Variants in PDE9A observed in about 807,000 individuals in gnomAD.
The protein encoded by PDE9A is high affinity cGMP-specific 3',5'-cyclic phosphodiesterase 9A.
A neutral mutation model predicts 87.4 loss-of-function variants in PDE9A; 60 were observed. The ratio of observed to expected loss-of-function variants is 0.69; its 90% CI spans 0.56 to 0.85. PDE9A has a LOEUF of 0.85. Ranked by LOEUF, PDE9A falls within the 40% of genes least tolerant of loss-of-function variation. The pLI, the probability that PDE9A is intolerant of heterozygous loss-of-function variation, is 0.00. For missense variants in PDE9A, 665 were observed against 779.0 expected, an observed-to-expected ratio of 0.85 and a Z score of 1.74; for synonymous variants, 272 against 279.4, an observed-to-expected ratio of 0.97 and a Z score of 0.27.
intron 4 of PDE9A, chr21:42,700,621 T>C (rs189356177): frequency 6.6e-6 from 1 of 152,296 alleles, no homozygotes; most frequent in East Asian, 1.9e-4. Flanking sequence ...CTGCTCTTCT[T>C]TGAAAGCAAG....
chr21:42,743,131 G>A (rs1393330689), intron 7 of PDE9A, among the ~76,000 whole-genome samples: 3 of 152,196 alleles, frequency 2.0e-5, no homozygotes, highest in South Asian at 2.1e-4. Context: ...GATGGAGCCC[G>A]CTAAGTTAGA....
At chr21:42,764,523 C>T (rs146923131) in intron 14 of PDE9A, among the ~76,000 whole-genome samples, 71 of 152,296 alleles carry the variant, frequency 4.7e-4, no homozygotes, top group East Asian at 2.1e-3. Context: ...GTGTAGGCCT[C>T]GTCCCACTGA....
At chr21:42,754,182 G>GA in intron 10 of PDE9A, 118 bp downstream of exon 10, 1 of 530,828 alleles carries the variant, frequency 1.9e-6, no homozygotes. Flanking sequence ...TCTTTTTAAA[G>GA]ACTGAAAAAA....
chr21:42,661,679 A>G (rs1601873658), intron 1 of PDE9A, among the ~76,000 whole-genome samples: 2 of 152,090 alleles, frequency 1.3e-5, no homozygotes, highest in South Asian at 2.1e-4. Flanking sequence ...AGCCTCAGTC[A>G]TTTTCATTCT....
chr21:42,685,213 C>G (rs8131508), intron 1 of PDE9A, among the ~76,000 whole-genome samples: 7,231 of 152,308 alleles, frequency 0.047, 523 homozygotes, highest in African/African-American at 0.16. Flanking sequence ...CGAAATACCC[C>G]CTCCCTGAGA....
At position 42,774,119 on chromosome 21, in the gene PDE9A, A is replaced by G. The variant is rs887564375; in HGVS notation, c.1769-1161A>G. Among the ~76,000 whole-genome samples, 5 of 152,148 alleles carry G rather than the reference A, an allele frequency of 3.3e-5. No individual in the cohort carries two copies. In the South Asian group the frequency reaches 8.3e-4, roughly 25 times the overall value. Reference sequence around the variant, plus strand: ...AAATAAGTAAATAATAAATAAGGTCAGACTCCATCTCAAAAAAATATAAAT... The same window carrying G: ...AAATAAGTAAATAATAAATAAGGTCGGACTCCATCTCAAAAAAATATAAAT... On this transcript the variant is annotated intron_variant, in intron 19 of 19. Transcript: ENST00000291539.
chr21:42,732,571 C>T lies in PDE9A; in HGVS notation c.497+447C>T, dbSNP rs8133881. ...CTGACTTCTCTGTGGCGTCTTACTG[C>T]CCAGGTTAATTAAAATAGTGAAAAG... On this transcript the variant is annotated intron_variant, in intron 6 of 19. Transcript: ENST00000291539. 2.1e-3 allele frequency among the ~76,000 whole-genome samples: 316 copies of T among 152,306 alleles called. 3 individuals are homozygous for T. Among genetic ancestry groups the T allele is most frequent in the African/African-American group, 7.2e-3 (300 of 41,556 alleles).
At chr21:42,670,788 T>C (rs35169143) in intron 1 of PDE9A, among the ~76,000 whole-genome samples, 59,183 of 151,914 alleles carry the variant, frequency 0.39, 14,717 homozygotes, top group African/African-American at 0.71. Context: ...GACACACATA[T>C]ACATACATTC....
chr21:42,742,457 C>CTTT lies in PDE9A; in HGVS notation c.569-1295_569-1293dup, dbSNP rs60925435. ...AATCATAGGGAGTTGAAGCTGTCTG[C>CTTT]TTTTTTTTTTTTTTTTTTTTTTTTT... On this transcript the variant is annotated intron_variant, in intron 7 of 19. Transcript: ENST00000291539. Among the ~76,000 whole-genome samples the CTTT allele has an allele frequency of 3.1e-3, 223 of 71,542 alleles. 35 individuals are homozygous for CTTT. The highest frequency in any genetic ancestry group is 3.9e-3 in the Non-Finnish European group (154 of 39,308). The allele number at this position is 71,542 out of a possible 152,430, so 46.9% of individuals were successfully genotyped here.
At chr21:42,697,620 G>A (rs564497164) in intron 3 of PDE9A, 34 of 731,154 alleles carry the variant, frequency 4.7e-5, no homozygotes, top group Middle Eastern at 2.5e-4. Context: ...AGATGAGGGT[G>A]TGGGCAGGTT....
At chr21:42,742,732 T>C (rs1213154977) in intron 7 of PDE9A, among the ~76,000 whole-genome samples, 4 of 152,116 alleles carry the variant, frequency 2.6e-5, no homozygotes, top group South Asian at 4.1e-4. Context: ...CCCAAAGTGC[T>C]GGGATTACAG....
In PDE9A at chr21:42,760,343, A is replaced by G. The variant is rs2055576930; in HGVS notation, c.913A>G (p.Asn305Asp). The G allele has an allele frequency of 6.2e-7, 1 of 1,607,270 alleles. No individual in the cohort carries two copies. The highest frequency in any genetic ancestry group is 1.3e-5 in the African/African-American group (1 of 74,866). The change falls in exon 12 of 20, where the codon AAC (asparagine) becomes GAC (aspartate). Residue 305 changes from asparagine to aspartate, a missense_variant. Coordinates refer to ENST00000291539, the MANE Select transcript of PDE9A (RefSeq NM_002606.3). This position sits in a 1 kb window ranked among gnomAD's most constrained non-coding sequence, Gnocchi z 5.2. The part of the protein sequence containing the change: ...LRRWLFCVHD[N>D]YRNNPFHNFR... ...CCTCCCGCAGTTCTGCGTCCACGAC[A>G]ACTACAGAAACAACCCCTTCCACAA...
chr21:42,742,927 A>G (rs1223039530), intron 7 of PDE9A, among the ~76,000 whole-genome samples: 1 of 152,192 alleles, frequency 6.6e-6, no homozygotes, highest in Non-Finnish European at 1.5e-5. Context: ...AGAATCTCGT[A>G]GTCTCCAGCT....
At chr21:42,708,168 A>AT (rs1485091650) in intron 4 of PDE9A, among the ~76,000 whole-genome samples, 6 of 152,120 alleles carry the variant, frequency 3.9e-5, no homozygotes, top group Non-Finnish European at 7.4e-5. Flanking sequence ...CCTTACTTGC[A>AT]TTTTTTTGAA....
intron 17 of PDE9A, among the ~76,000 whole-genome samples, chr21:42,769,688 A>ACACAGGTACGTAGGCACACACAAG (rs1569280506): frequency 6.5e-5 from 3 of 46,336 alleles, no homozygotes; most frequent in African/African-American, 2.9e-4. Flanking sequence ...ACACAGGCAC[A>ACACAGGTACGTAGGCACACACAAG]CACATACACA....
intron 4 of PDE9A, among the ~76,000 whole-genome samples, chr21:42,719,972 G>T: frequency 6.6e-6 from 1 of 152,276 alleles, no homozygotes; most frequent in Non-Finnish European, 1.5e-5. Flanking sequence ...AGTCTATGGG[G>T]TCATTTGGCA....
In PDE9A at chr21:42,723,161, A is replaced by C. The variant is rs1358187820; in HGVS notation, c.263-8609A>C. The stretch of plus-strand genomic sequence containing the variant: ...TCCCTCTAGAGGTTTGCTTCATTCC[A>C]GTACCCTTGGTTCTGTCAAGTGGGC... On this transcript the variant is annotated intron_variant, in intron 4 of 19. Coordinates refer to ENST00000291539, the MANE Select transcript of PDE9A (RefSeq NM_002606.3). The surrounding 1 kb of genome is among the most constrained non-coding windows in gnomAD (Gnocchi z 4.3). Among the ~76,000 whole-genome samples the C allele has an allele frequency of 6.6e-6, 1 of 152,226 alleles. No individual in the cohort carries two copies. Among genetic ancestry groups the C allele is most frequent in the Non-Finnish European group, 1.5e-5 (1 of 68,042 alleles).
chr21:42,773,915 T>C (rs374983811), intron 19 of PDE9A, among the ~76,000 whole-genome samples: 28 of 150,734 alleles, frequency 1.9e-4, no homozygotes, highest in South Asian at 8.4e-4. Flanking sequence ...CCATCCTGGC[T>C]AACACGGTGA....
In PDE9A at chr21:42,653,872, C is replaced by T. The variant is rs1467723820; in HGVS notation, c.58C>T (p.Arg20Cys). The change falls in exon 1 of 20, where the codon CGC (arginine) becomes TGC (cysteine). Residue 20 changes from arginine (R) to cysteine (C), a missense_variant. Coordinates refer to ENST00000291539, the MANE Select transcript of PDE9A (RefSeq NM_002606.3). ...PKAIYLDIDG[R>C]IQKVIFSKYC... ...GGCCATCTACCTGGACATCGATGGA[C>T]GCATTCAGAAGGTAGCCCCTCCCCC... The T allele has an allele frequency of 3.8e-6, 6 of 1,559,148 alleles. No homozygotes were observed. The highest frequency in any genetic ancestry group is 5.2e-6 in the Non-Finnish European group (6 of 1,151,124).
Sources: allele counts gnomAD v4.1 joint callset (sites outside exome capture counted in the v4.1 genomes callset), GRCh38; gene constraint gnomAD v4.1.1; non-coding constraint Gnocchi (gnomAD v3.1); transcripts MANE v1.5; gene names NCBI Gene and HGNC (gene_info 2026-07-23, HGNC 2026-07-21).